Variants in CIZ1 observed in about 807,000 individuals in gnomAD.
The protein encoded by CIZ1 is CDKN1A interacting zinc finger protein 1.
In CIZ1, 58 loss-of-function variants were observed where a neutral mutation model predicts 118.6. The ratio of observed to expected loss-of-function variants is 0.49; its 90% CI spans 0.40 to 0.61. The LOEUF is 0.61. Among genes scored for constraint, CIZ1 ranks in the 20% least tolerant of loss-of-function variants. The probability of loss-of-function intolerance (pLI) is 0.00; values close to 1 mark genes in which losing one functional copy is unlikely to be tolerated. For synonymous variants in CIZ1, 448 were observed against 443.4 expected (o/e 1.01, Z -0.13); for missense variants, 921 against 1,115.9 (o/e 0.83, Z 2.49).
At chr9:128,193,026 G>A (rs1424697313), upstream of CIZ1, among the ~76,000 whole-genome samples, 1 of 152,204 alleles carries the variant, frequency 6.6e-6, no homozygotes, top group Admixed American at 6.5e-5. Flanking sequence ...CAGAATTCGC[G>A]CGTCCATAAA....
chr9:128,193,137 G>A (rs533721899), upstream of CIZ1, among the ~76,000 whole-genome samples: 138 of 152,336 alleles, frequency 9.1e-4, no homozygotes, highest in African/African-American at 3.0e-3. Flanking sequence ...ACTAGTCGTG[G>A]AAGAGCTAGG....
intron 4 of CIZ1, 101 bp downstream of exon 4, chr9:128,187,762 T>C (rs1832561902): frequency 2.7e-6 from 1 of 365,806 alleles, no homozygotes; most frequent in Non-Finnish European, 5.0e-6. Context: ...GCACTAGCAC[T>C]CTAAGAAATG....
chr9:128,197,397 C>T (rs1476513233), intron 1 of CIZ1: 2 of 152,306 alleles, frequency 1.3e-5, no homozygotes, highest in Non-Finnish European at 2.9e-5. Context: ...GCTCAGAATC[C>T]CTGGGAATAG....
chr9:128,182,642 T>A (rs1831822359), intron 5 of CIZ1, among the ~76,000 whole-genome samples: 1 of 152,148 alleles, frequency 6.6e-6, no homozygotes. Context: ...TCTGCTTATC[T>A]ACCTTGGCCT....
chr9:128,192,999 G>T (rs1010159850), upstream of CIZ1, among the ~76,000 whole-genome samples: 2 of 152,210 alleles, frequency 1.3e-5, no homozygotes, highest in Non-Finnish European at 2.9e-5. Context: ...GCGCGTTGAC[G>T]GAGGGCGCTC....
At chr9:128,169,018 A>C (rs539260912) in intron 14 of CIZ1, 34 bp downstream of exon 14, 1 of 1,612,848 alleles carries the variant, frequency 6.2e-7, no homozygotes, top group African/African-American at 1.3e-5. Context: ...GGAATCCAGC[A>C]CCAAGCCCGC....
intron 5 of CIZ1, 33 bp downstream of exon 5, chr9:128,185,514 T>G: frequency 1.3e-5 from 12 of 928,378 alleles, no homozygotes; most frequent in South Asian, 1.6e-5. Context: ...CAGGGTCCCC[T>G]CCCGCCCACT....
intron 11 of CIZ1, 126 bp downstream of exon 11, chr9:128,176,225 T>C (rs1830827702): frequency 1.7e-6 from 2 of 1,196,376 alleles, no homozygotes; most frequent in Non-Finnish European, 1.2e-6. Flanking sequence ...CAGTTAACAG[T>C]GTGAGGAGGC....
chr9:128,191,875 C>G, upstream of CIZ1: 1 of 1,457,378 alleles, frequency 6.9e-7, no homozygotes, highest in Non-Finnish European at 9.1e-7. This position sits in a 1 kb window ranked among gnomAD's most constrained non-coding sequence, Gnocchi z 5.5. Flanking sequence ...CCGCCGCGGT[C>G]CTGCGATCCT....
chr9:128,190,387 T>C lies in CIZ1; in HGVS notation c.228A>G (p.Ser76=). The change falls in exon 3 of 17, where the codon TCA becomes TCG. Residue 76 remains serine (S), a synonymous_variant. Transcript: ENST00000372938. Reference sequence around the variant, plus strand: ...GCATGGAGCCGTTGAGGAGGGAGGCTGAGTTGGTGCCCTGGAGATTCAGAA... The same window carrying C: ...GCATGGAGCCGTTGAGGAGGGAGGCCGAGTTGGTGCCCTGGAGATTCAGAA... ...QPLLNLQGTN[S]ASLLNGSMLQ... 3 of 1,614,000 alleles carry C rather than the reference T, an allele frequency of 1.9e-6. No individual in the cohort carries two copies. The highest frequency in any genetic ancestry group is 2.5e-6 in the Non-Finnish European group (3 of 1,179,930).
At chr9:128,174,043 A>C (rs1354746255) in intron 11 of CIZ1, among the ~76,000 whole-genome samples, 1 of 151,108 alleles carries the variant, frequency 6.6e-6, no homozygotes, top group Admixed American at 6.6e-5. Context: ...AAAACAAAGA[A>C]ATAGCTAAGG....
chr9:128,177,775 G>C lies in CIZ1; in HGVS notation c.1621-12C>G, dbSNP rs750153490. On this transcript the variant is annotated splice_polypyrimidine_tract_variant and intron_variant, in intron 9 of 16. Coordinates refer to ENST00000372938, the MANE Select transcript of CIZ1 (RefSeq NM_001131016.2). ...CCGGCGCCCCATACCTGCATGGGGA[G>C]TAGGAACTGAACTTCCATCAACTGT... The C allele has an allele frequency of 2.2e-5, 34 of 1,568,138 alleles. 1 individual carries two copies. Among genetic ancestry groups the C allele is most frequent in the Non-Finnish European group, 2.9e-5 (34 of 1,157,404 alleles).
At chr9:128,188,311 C>T (rs1005193025) in intron 3 of CIZ1, among the ~76,000 whole-genome samples, 5 of 152,074 alleles carry the variant, frequency 3.3e-5, no homozygotes, top group Non-Finnish European at 7.4e-5. Context: ...CAATCACAAT[C>T]ATCAGATACA....
chr9:128,186,233 C>T (rs1306033317), intron 4 of CIZ1, among the ~76,000 whole-genome samples: 5 of 152,022 alleles, frequency 3.3e-5, no homozygotes, highest in Non-Finnish European at 5.9e-5. Context: ...CTCAGTCCCT[C>T]GGCCCAGCAG....
intron 1 of CIZ1, chr9:128,202,802 A>G (rs1833571866): frequency 6.6e-6 from 1 of 152,160 alleles, no homozygotes; most frequent in South Asian, 2.1e-4. Context: ...TGCAAGATCT[A>G]TGAGGGCAGA....
chr9:128,181,847 C>G (rs901112421), intron 5 of CIZ1, among the ~76,000 whole-genome samples: 6 of 151,864 alleles, frequency 4.0e-5, no homozygotes, highest in African/African-American at 7.3e-5. Context: ...GGCCTGACAT[C>G]AGTCAGGCTT....
At position 128,180,397 on chromosome 9, in the gene CIZ1, G is replaced by A; in HGVS notation, c.791+18C>T. 3 of 1,601,464 alleles carry A rather than the reference G, an allele frequency of 1.9e-6. No homozygotes were observed. Among genetic ancestry groups the A allele is most frequent in the African/African-American group, 1.3e-5 (1 of 74,714 alleles). ...CACAGGGCACCCGGGCGCAGGTCAG[G>A]TTTTCAGCATCAGTTACCTCCTCAA... On this transcript the variant is annotated intron_variant, in intron 7 of 16. Coordinates refer to ENST00000372938, the MANE Select transcript of CIZ1 (RefSeq NM_001131016.2).
At chr9:128,168,741 T>A (rs1829759741) in intron 14 of CIZ1, 2 of 353,024 alleles carry the variant, frequency 5.7e-6, no homozygotes, top group Non-Finnish European at 1.1e-5. Context: ...TCCATTATCA[T>A]CACCATCATC....
chr9:128,178,159 T>C (rs1437153354), intron 9 of CIZ1, among the ~76,000 whole-genome samples: 2 of 152,054 alleles, frequency 1.3e-5, no homozygotes, highest in African/African-American at 4.8e-5. Flanking sequence ...AAGGGACGGA[T>C]GTGAAGACAG....
Sources: gnomAD v4.1 joint callset for allele counts (sites outside exome capture counted in the v4.1 genomes callset) on GRCh38, gnomAD v4.1.1 for gene constraint, Gnocchi (gnomAD v3.1) non-coding constraint, MANE v1.5 for transcripts, NCBI Gene and HGNC (gene_info 2026-07-23, HGNC 2026-07-21) for gene names.